The following TNFRSF8 variants were observed in gnomAD, a reference collection of about 807,000 sequenced individuals.
TNFRSF8 encodes the protein tumor necrosis factor receptor superfamily member 8.
In TNFRSF8, 26 loss-of-function variants were observed where a neutral mutation model predicts 70.8. The observed-to-expected ratio is 0.37, with a 90% confidence interval of 0.27 to 0.51. TNFRSF8 has a LOEUF of 0.51. Among genes scored for constraint, TNFRSF8 ranks in the 20% least tolerant of loss-of-function variants. The pLI is 0.94. For synonymous variants in TNFRSF8, 356 were observed against 339.2 expected, an observed-to-expected ratio of 1.05 and a Z score of -0.54; for missense variants, 720 against 807.9, an observed-to-expected ratio of 0.89 and a Z score of 1.32.
At chr1:12,127,534 C>T (rs1221578878) in intron 12 of TNFRSF8, among the ~76,000 whole-genome samples, 1 of 152,266 alleles carries the variant, frequency 6.6e-6, no homozygotes, top group Admixed American at 6.5e-5. Flanking sequence ...CAGGCCCTGG[C>T]CCGTCCCCTG....
intron 2 of TNFRSF8, among the ~76,000 whole-genome samples, chr1:12,093,331 A>C (rs1031439167): frequency 6.6e-6 from 1 of 152,218 alleles, no homozygotes; most frequent in African/African-American, 2.4e-5. Flanking sequence ...CAAGATACCC[A>C]GACTGGCTGT....
chr1:12,116,669 TGG>T (rs1368339995), intron 8 of TNFRSF8, among the ~76,000 whole-genome samples: 1 of 151,984 alleles, frequency 6.6e-6, no homozygotes, highest in Non-Finnish European at 1.5e-5. Context: ...GGTGTGGTGG[TGG>T]GCACCGTAGT....
chr1:12,102,185 A>G (rs1641435617), intron 3 of TNFRSF8, among the ~76,000 whole-genome samples: 1 of 152,076 alleles, frequency 6.6e-6, no homozygotes, highest in Non-Finnish European at 1.5e-5. Flanking sequence ...TTCTGTGCAC[A>G]TCATATCTCA....
At chr1:12,072,895 G>A (rs574845589) in intron 1 of TNFRSF8, among the ~76,000 whole-genome samples, 3 of 152,276 alleles carry the variant, frequency 2.0e-5, no homozygotes, top group East Asian at 1.9e-4. Context: ...AGGCCAGGAC[G>A]CAGCGGCCAG....
At chr1:12,084,643 C>G (rs1004373670) in intron 2 of TNFRSF8, 92 bp downstream of exon 2, 27 of 1,201,378 alleles carry the variant, frequency 2.2e-5, no homozygotes, top group Non-Finnish European at 3.0e-5. Flanking sequence ...GAAATTGGAG[C>G]CAACCGTCAT....
chr1:12,126,366 G>A (rs576412255), intron 12 of TNFRSF8, 130 bp downstream of exon 12: 14 of 1,052,754 alleles, frequency 1.3e-5, no homozygotes, highest in Admixed American at 3.9e-5. Context: ...GGCTCCTGTC[G>A]CATTCTGTAC....
chr1:12,129,625 G>GT (rs1642009759), intron 12 of TNFRSF8, among the ~76,000 whole-genome samples: 1 of 152,144 alleles, frequency 6.6e-6, no homozygotes, highest in African/African-American at 2.4e-5. Flanking sequence ...CTTGCTTTGG[G>GT]TTTGTCTGGT....
intron 8 of TNFRSF8, among the ~76,000 whole-genome samples, chr1:12,118,850 TTTTG>T (rs912473985): frequency 5.9e-5 from 9 of 151,952 alleles, no homozygotes; most frequent in Admixed American, 6.6e-5. Flanking sequence ...GCATTTGTTT[TTTTG>T]TTTGTTTGTT....
intron 13 of TNFRSF8, among the ~76,000 whole-genome samples, chr1:12,135,966 G>A (rs1050163618): frequency 6.6e-6 from 1 of 152,218 alleles, no homozygotes. Flanking sequence ...TGGGTACCAG[G>A]TCTGGTCAGG....
chr1:12,142,416 C>A lies in TNFRSF8; in HGVS notation c.1673C>A (p.Pro558His), dbSNP rs537105767. The A allele has an allele frequency of 4.3e-6, 7 of 1,612,922 alleles. No homozygotes were observed. In the Admixed American group the frequency reaches 1.2e-4, roughly 27 times the overall value. Residue 558 changes from proline (P) to histidine (H), a missense_variant, in exon 15 of 15, where the codon CCC (proline) becomes CAC (histidine). Transcript: ENST00000263932. This position sits in a 1 kb window ranked among gnomAD's most constrained non-coding sequence, Gnocchi z 5.0. The stretch of plus-strand genomic sequence containing the variant: ...GAGGAGCTGGAGGCGGACCATACCC[C>A]CCACTACCCCGAGCAGGAGACAGAA... ...LEEELEADHT[P>H]HYPEQETEPP...
At chr1:12,078,543 G>T (rs1169430061) in intron 1 of TNFRSF8, among the ~76,000 whole-genome samples, 1 of 152,128 alleles carries the variant, frequency 6.6e-6, no homozygotes, top group Non-Finnish European at 1.5e-5. Context: ...CAGCTTGGGC[G>T]ACGGAGCGAG....
intron 1 of TNFRSF8, among the ~76,000 whole-genome samples, chr1:12,073,592 C>CTT (rs796643706): frequency 4.1e-5 from 5 of 121,332 alleles, no homozygotes; most frequent in African/African-American, 1.5e-4. Flanking sequence ...TTTTCTTTTT[C>CTT]TTTTTTTTTT....
chr1:12,078,805 C>T (rs1042409184), intron 1 of TNFRSF8, among the ~76,000 whole-genome samples: 2 of 152,244 alleles, frequency 1.3e-5, no homozygotes, highest in African/African-American at 4.8e-5. Flanking sequence ...ATTACTTTCG[C>T]TATGGAAAGC....
intron 2 of TNFRSF8, among the ~76,000 whole-genome samples, chr1:12,092,804 G>A (rs909986486): frequency 2.7e-5 from 4 of 150,006 alleles, no homozygotes; most frequent in Non-Finnish European, 4.4e-5. Context: ...CACCGCGCCC[G>A]ACCTCTTTTT....
chr1:12,131,103 G>A (rs1161311170), intron 12 of TNFRSF8, among the ~76,000 whole-genome samples: 2 of 152,112 alleles, frequency 1.3e-5, no homozygotes, highest in African/African-American at 4.8e-5. Context: ...TGAACCTGCT[G>A]TGTGCTCAAC....
chr1:12,141,436 CTG>C lies in TNFRSF8; in HGVS notation c.1544-848_1544-847del, dbSNP rs1013346332. On this transcript the variant is annotated intron_variant, in intron 14 of 14. Transcript: ENST00000263932. This position sits in a 1 kb window ranked among gnomAD's most constrained non-coding sequence, Gnocchi z 5.4. Reference sequence around the variant, plus strand: ...CCACACCAGAAGCCCCCACATCAGACTGTGGCGAGGACCGGCCCTCCGTCCAA... The same window carrying C: ...CCACACCAGAAGCCCCCACATCAGACTGGCGAGGACCGGCCCTCCGTCCAA... Among the ~76,000 whole-genome samples, 1 of 152,268 alleles carries C rather than the reference CTG, an allele frequency of 6.6e-6. No homozygotes were observed. Among genetic ancestry groups the C allele is most frequent in the African/African-American group, 2.4e-5 (1 of 41,470 alleles).
intron 1 of TNFRSF8, among the ~76,000 whole-genome samples, chr1:12,064,590 G>C (rs1402034664): frequency 6.6e-6 from 1 of 152,128 alleles, no homozygotes; most frequent in African/African-American, 2.4e-5. Context: ...GGAAGACCCA[G>C]TTCCCCTTTA....
chr1:12,076,947 A>G lies in TNFRSF8; in HGVS notation c.64-7517A>G, dbSNP rs956196847. Among the ~76,000 whole-genome samples, 13 of 152,164 alleles carry G rather than the reference A, an allele frequency of 8.5e-5. 1 individual carries two copies. Among genetic ancestry groups the G allele is most frequent in the African/African-American group, 3.1e-4 (13 of 41,510 alleles). ...GTCCCCTAAAACGTCCATACATTCT[A>G]CATTGTTAATTTGGGACAGGGTCTC... is the stretch of plus-strand genomic sequence containing the variant. On this transcript the variant is annotated intron_variant, in intron 1 of 14. Transcript: ENST00000263932.
At position 12,108,646 on chromosome 1, in the gene TNFRSF8, C is replaced by T. The variant is rs376157761; in HGVS notation, c.422-920C>T. 6.6e-6 allele frequency among the ~76,000 whole-genome samples: 1 copy of T among 152,048 alleles called. No homozygotes were observed. The highest frequency in any genetic ancestry group is 6.6e-5 in the Admixed American group (1 of 15,258). ...GACCAGCCTGGCCAACATGGCGAAACCCTGTCTCTACTAAAAATTAGCCGG... is the reference window on the plus strand; with the variant it reads ...GACCAGCCTGGCCAACATGGCGAAATCCTGTCTCTACTAAAAATTAGCCGG... On this transcript the variant is annotated intron_variant, in intron 4 of 14. Coordinates refer to ENST00000263932, the MANE Select transcript of TNFRSF8 (RefSeq NM_001243.5). This position sits in a 1 kb window ranked among gnomAD's most constrained non-coding sequence, Gnocchi z 4.0.
Sources: gnomAD v4.1 joint callset for allele counts (sites outside exome capture counted in the v4.1 genomes callset) on GRCh38, gnomAD v4.1.1 for gene constraint, Gnocchi (gnomAD v3.1) non-coding constraint, MANE v1.5 for transcripts, NCBI Gene and HGNC (gene_info 2026-07-23, HGNC 2026-07-21) for gene names.